The following ATP9B variants were observed in gnomAD, a reference collection of about 807,000 sequenced individuals.
The protein encoded by ATP9B is ATPase phospholipid transporting 9B.
ATP9B carries 110 observed loss-of-function variants against 146.1 expected under a neutral mutation model. That is an observed-to-expected ratio of 0.75 (90% confidence interval 0.65 to 0.88). ATP9B has a LOEUF of 0.88. ATP9B is among the 40% of genes least tolerant of loss of function. The probability of loss-of-function intolerance (pLI) is 0.00; values close to 1 mark genes in which losing one functional copy is unlikely to be tolerated. For missense variants in ATP9B, 1,499 were observed against 1,496.4 expected (o/e 1.00, Z -0.03); for synonymous variants, 604 against 569.7 (o/e 1.06, Z -0.86).
intron 15 of ATP9B, among the ~76,000 whole-genome samples, chr18:79,309,442 C>CT (rs2096639068): frequency 2.0e-4 from 29 of 143,654 alleles, no homozygotes; most frequent in African/African-American, 7.2e-4. Flanking sequence ...GAGGAGTGAT[C>CT]CCCAGCAGGT....
intron 15 of ATP9B, among the ~76,000 whole-genome samples, chr18:79,323,289 A>G (rs1193230420): frequency 6.6e-6 from 1 of 152,218 alleles, no homozygotes; most frequent in Non-Finnish European, 1.5e-5. Context: ...CGCGTTAGTA[A>G]TATTGCAGTT....
intron 4 of ATP9B, among the ~76,000 whole-genome samples, chr18:79,121,768 T>C (rs543374182): frequency 8.5e-5 from 13 of 152,364 alleles, no homozygotes; most frequent in African/African-American, 3.1e-4. Context: ...GTAAAACAGC[T>C]TGGACAGTCT....
intron 25 of ATP9B, chr18:79,352,647 C>G (rs748294206): frequency 3.9e-5 from 6 of 152,146 alleles, no homozygotes; most frequent in Non-Finnish European, 8.8e-5. Flanking sequence ...GCCAGAGGGC[C>G]TCGAAACCTC....
intron 5 of ATP9B, among the ~76,000 whole-genome samples, chr18:79,134,313 C>T (rs148029176): frequency 1.3e-5 from 2 of 152,288 alleles, no homozygotes; most frequent in African/African-American, 4.8e-5. Flanking sequence ...AGTTCTGCCT[C>T]GATTTCTTCC....
chr18:79,134,597 G>A (rs2094425678), intron 5 of ATP9B, among the ~76,000 whole-genome samples: 3 of 152,210 alleles, frequency 2.0e-5, no homozygotes, highest in Admixed American at 2.0e-4. Context: ...GATGGCACCA[G>A]TTTGCGTTTC....
intron 7 of ATP9B, among the ~76,000 whole-genome samples, chr18:79,168,378 G>GTTTT (rs57706892): frequency 1.5e-4 from 21 of 143,776 alleles, no homozygotes; most frequent in African/African-American, 4.6e-4. Flanking sequence ...TTTTGATTTT[G>GTTTT]TTTTTTTTTT....
At chr18:79,163,969 A>G (rs1338517833) in intron 7 of ATP9B, among the ~76,000 whole-genome samples, 1 of 151,952 alleles carries the variant, frequency 6.6e-6, no homozygotes, top group African/African-American at 2.4e-5. Context: ...CCCAGGCTAG[A>G]GTGCTGTGGC....
chr18:79,329,182 G>T lies in ATP9B; in HGVS notation c.1815G>T (p.Leu605=), dbSNP rs1290073403. ...GGACAGAGAGTGTGGGCCTCACGCT[G>T]GTCAGCAGGGACCTCACCTCCATGC... The part of the protein sequence containing the change: ...VQWTESVGLT[L]VSRDLTSMQL... The change falls in exon 16 of 30, where the codon CTG becomes CTT. Residue 605 remains leucine, a synonymous_variant. Transcript: ENST00000426216. 1.2e-6 allele frequency: 2 copies of T among 1,611,218 alleles called. No homozygotes were observed. The highest frequency in any genetic ancestry group is 2.2e-5 in the South Asian group (2 of 90,582).
chr18:79,140,150 T>C (rs1371630083), intron 5 of ATP9B, among the ~76,000 whole-genome samples: 1 of 152,148 alleles, frequency 6.6e-6, no homozygotes, highest in Middle Eastern at 3.2e-3. Flanking sequence ...AGGGAGCAAG[T>C]GCTGGGAGCT....
intron 1 of ATP9B, among the ~76,000 whole-genome samples, chr18:79,089,470 C>G (rs183444589): frequency 8.2e-4 from 125 of 152,242 alleles, no homozygotes; most frequent in Non-Finnish European, 7.5e-4. Flanking sequence ...TGTTGTGGCT[C>G]TCTTCAAGGT....
At chr18:79,243,124 A>G (rs1458717430) in intron 11 of ATP9B, among the ~76,000 whole-genome samples, 1 of 152,212 alleles carries the variant, frequency 6.6e-6, no homozygotes, top group Admixed American at 6.5e-5. Context: ...ATTCTGCCTT[A>G]AAAATTAAAA....
chr18:79,319,223 A>G (rs1383938110), intron 15 of ATP9B, among the ~76,000 whole-genome samples: 1 of 152,252 alleles, frequency 6.6e-6, no homozygotes, highest in Non-Finnish European at 1.5e-5. Context: ...AGGAACAAAC[A>G]TTTTAGCACT....
chr18:79,190,999 C>T (rs1395067021), intron 8 of ATP9B, among the ~76,000 whole-genome samples: 1 of 151,876 alleles, frequency 6.6e-6, no homozygotes, highest in African/African-American at 2.4e-5. Context: ...GCTGATATTC[C>T]TCTGGTGGAT....
Position 79,317,983 on chromosome 18 carries a change from C to A in ATP9B, c.1773+10749C>A, listed in dbSNP as rs182433251. The stretch of plus-strand genomic sequence containing the variant: ...GACACAGAAGCCAACTGGAAAAGCT[C>A]CCTGTGGTGAATGCTGGAACAGCAT... On this transcript the variant is annotated intron_variant, in intron 15 of 29. Transcript: ENST00000426216. Among the ~76,000 whole-genome samples, 3 of 152,342 alleles carry A rather than the reference C, an allele frequency of 2.0e-5. No individual in the cohort carries two copies. The East Asian group carries it at 5.8e-4, about 29-fold the overall frequency.
intron 1 of ATP9B, 115 bp from the exon 2 acceptor site, chr18:79,096,360 TA>T: frequency 1.0e-6 from 1 of 1,000,564 alleles, no homozygotes; most frequent in African/African-American, 1.6e-5. Flanking sequence ...GTCTTATTTA[TA>T]ATGCTTTCCC....
chr18:79,342,554 A>G (rs1360047980), intron 20 of ATP9B, among the ~76,000 whole-genome samples, 188 bp downstream of exon 20: 2 of 152,056 alleles, frequency 1.3e-5, no homozygotes, highest in Non-Finnish European at 2.9e-5. Flanking sequence ...AACCTGCACA[A>G]TGTGCACATG....
At chr18:79,070,267 T>C (rs1242435195) in intron 1 of ATP9B, among the ~76,000 whole-genome samples, 3 of 152,268 alleles carry the variant, frequency 2.0e-5, no homozygotes, top group Non-Finnish European at 4.4e-5. Context: ...AAACATAATT[T>C]CACTCAATAT....
At chr18:79,257,525 C>T (rs1305043896) in intron 12 of ATP9B, among the ~76,000 whole-genome samples, 1 of 152,226 alleles carries the variant, frequency 6.6e-6, no homozygotes, top group East Asian at 1.9e-4. Flanking sequence ...CAGAGAGAAC[C>T]TTGCAGGGCT....
intron 10 of ATP9B, among the ~76,000 whole-genome samples, chr18:79,210,871 G>C (rs1244068781): frequency 6.6e-6 from 1 of 152,186 alleles, no homozygotes; most frequent in African/African-American, 2.4e-5. Context: ...TAATACCTCT[G>C]TCTCTCATTA....
Sources: allele counts gnomAD v4.1 joint callset (sites outside exome capture counted in the v4.1 genomes callset), GRCh38; gene constraint gnomAD v4.1.1; transcripts MANE v1.5; gene names NCBI Gene and HGNC (gene_info 2026-07-23, HGNC 2026-07-21).